Variants in TLE4 observed in about 807,000 individuals in gnomAD.
TLE4 encodes the protein TLE family member 4, transcriptional corepressor, also known as transducin-like enhancer protein 4.
A neutral mutation model predicts 92.8 loss-of-function variants in TLE4; 8 were observed. That is an observed-to-expected ratio of 0.09 (90% CI 0.05 to 0.16). The LOEUF is 0.16. Among genes scored for constraint, TLE4 ranks in the 10% least tolerant of loss-of-function variants. The pLI, the probability that TLE4 is intolerant of heterozygous loss-of-function variation, is 1.00. For missense variants in TLE4, 675 were observed against 997.6 expected, an observed-to-expected ratio of 0.68 and a Z score of 4.36; for synonymous variants, 371 against 374.1, an observed-to-expected ratio of 0.99 and a Z score of 0.10.
In TLE4 at chr9:79,726,170, A is replaced by G. The variant is rs2076360280; in HGVS notation, c.*1026A>G. ...TCCCTCTGAAAAACACAAAGAATGGACTCTCTCCTGGGATGAGGACTTGCT... is the reference window on the plus strand; with the variant it reads ...TCCCTCTGAAAAACACAAAGAATGGGCTCTCTCCTGGGATGAGGACTTGCT... On this transcript the variant is annotated 3_prime_UTR_variant, in exon 20 of 20. Transcript: ENST00000376552. 1 of 152,282 alleles carries G rather than the reference A, an allele frequency of 6.6e-6. No individual in the cohort carries two copies. The highest frequency in any genetic ancestry group is 2.1e-4 in the South Asian group (1 of 4,818). The allele number at this position is 152,282 out of a possible 1,614,324, so 9.4% of individuals were successfully genotyped here.
chr9:79,686,553 G>A (rs1205231262), intron 8 of TLE4, among the ~76,000 whole-genome samples: 1 of 152,148 alleles, frequency 6.6e-6, no homozygotes, highest in African/African-American at 2.4e-5. Flanking sequence ...GGAGAGAGAG[G>A]TTTGACGATA....
intron 4 of TLE4, among the ~76,000 whole-genome samples, chr9:79,600,904 G>C (rs948921244): frequency 6.6e-6 from 1 of 152,146 alleles, no homozygotes; most frequent in African/African-American, 2.4e-5. Context: ...CGTCGCATGA[G>C]TAGGCCCTTT....
chr9:79,719,787 G>A (rs1056828299), intron 15 of TLE4, among the ~76,000 whole-genome samples: 1 of 152,186 alleles, frequency 6.6e-6, no homozygotes, highest in Non-Finnish European at 1.5e-5. Flanking sequence ...TAATTTGGTG[G>A]TGGTGGGAGT....
intron 8 of TLE4, among the ~76,000 whole-genome samples, chr9:79,685,115 G>A (rs538122635): frequency 3.3e-5 from 5 of 152,186 alleles, no homozygotes; most frequent in Admixed American, 1.3e-4. Context: ...AATAGCCCAC[G>A]CCCAAATACA....
At chr9:79,606,180 A>G (rs1412791921) in intron 4 of TLE4, among the ~76,000 whole-genome samples, 1 of 55,444 alleles carries the variant, frequency 1.8e-5, no homozygotes, top group Non-Finnish European at 3.7e-5. Flanking sequence ...ATTAAGCAGT[A>G]GTAGTTGTTT....
At chr9:79,633,862 G>A (rs1029815463) in intron 6 of TLE4, among the ~76,000 whole-genome samples, 2 of 152,142 alleles carry the variant, frequency 1.3e-5, no homozygotes, top group African/African-American at 4.8e-5. Flanking sequence ...TGGGCTATAA[G>A]AGACAGTCTC....
chr9:79,711,416 G>C (rs1242975042), intron 14 of TLE4, among the ~76,000 whole-genome samples: 1 of 152,166 alleles, frequency 6.6e-6, no homozygotes, highest in Non-Finnish European at 1.5e-5. Flanking sequence ...TAAATAACAA[G>C]GTTATACAAT....
At chr9:79,707,573 T>C (rs1439677197) in intron 11 of TLE4, among the ~76,000 whole-genome samples, 1 of 152,220 alleles carries the variant, frequency 6.6e-6, no homozygotes, top group African/African-American at 2.4e-5. Flanking sequence ...AGGAAATTCC[T>C]CACTTGGTCT....
At chr9:79,705,319 G>C (rs2135901939) in intron 9 of TLE4, among the ~76,000 whole-genome samples, 1 of 152,362 alleles carries the variant, frequency 6.6e-6, no homozygotes, top group East Asian at 1.9e-4. Flanking sequence ...AACATGGAGA[G>C]ACATCCAAGA....
At chr9:79,616,466 T>C (rs1192233001) in intron 5 of TLE4, among the ~76,000 whole-genome samples, 1 of 152,130 alleles carries the variant, frequency 6.6e-6, no homozygotes, top group Non-Finnish European at 1.5e-5. Context: ...GAGCTCTGTC[T>C]CCTCTTGGGA....
At position 79,696,330 on chromosome 9, in the gene TLE4, C is replaced by T. The variant is rs536595464; in HGVS notation, c.610-8453C>T. Reference sequence around the variant, plus strand: ...TTCACATTATATTTCTGTCTGTCAGCGCCATTCTAAAGAATAACTTTAATA... The same window carrying T: ...TTCACATTATATTTCTGTCTGTCAGTGCCATTCTAAAGAATAACTTTAATA... On this transcript the variant is annotated intron_variant, in intron 8 of 19. Coordinates refer to ENST00000376552, the MANE Select transcript of TLE4 (RefSeq NM_007005.6). 2.6e-5 allele frequency among the ~76,000 whole-genome samples: 4 copies of T among 152,210 alleles called. No homozygotes were observed. In the South Asian group the frequency reaches 6.2e-4, roughly 24 times the overall value.
At chr9:79,664,844 T>G (rs1330917666) in intron 8 of TLE4, among the ~76,000 whole-genome samples, 1 of 152,228 alleles carries the variant, frequency 6.6e-6, no homozygotes, top group Non-Finnish European at 1.5e-5. Flanking sequence ...CCTTGTCATT[T>G]TCAATTCCCT....
chr9:79,581,098 G>A (rs910058743), intron 4 of TLE4, among the ~76,000 whole-genome samples: 8 of 152,204 alleles, frequency 5.3e-5, no homozygotes, highest in African/African-American at 1.9e-4. Context: ...ACGGAGTGAA[G>A]GGTATTGGTG....
chr9:79,716,200 A>T lies in TLE4; in HGVS notation c.1341-2522A>T, dbSNP rs76527933. Among the ~76,000 whole-genome samples the T allele has an allele frequency of 3.9e-3, 593 of 152,086 alleles. 4 individuals are homozygous for T. Among genetic ancestry groups the T allele is most frequent in the African/African-American group, 0.013 (557 of 41,480 alleles). On this transcript the variant is annotated intron_variant, in intron 14 of 19. Transcript: ENST00000376552. ...GCCTGTCCCTTCACTCTTATATCCTATATGCTCTCCACCGAATGCACTCTG... is the reference window on the plus strand; with the variant it reads ...GCCTGTCCCTTCACTCTTATATCCTTTATGCTCTCCACCGAATGCACTCTG...
intron 6 of TLE4, among the ~76,000 whole-genome samples, chr9:79,642,624 G>C (rs1179502567): frequency 6.6e-6 from 1 of 151,980 alleles, no homozygotes; most frequent in Non-Finnish European, 1.5e-5. Context: ...AATTTGCTTA[G>C]AAGTACAATT....
chr9:79,709,928 A>G (rs1246908253), intron 14 of TLE4, among the ~76,000 whole-genome samples: 1 of 152,260 alleles, frequency 6.6e-6, no homozygotes, highest in Non-Finnish European at 1.5e-5. Flanking sequence ...TTGCAGAGGC[A>G]TCTCCAGTAG....
At chr9:79,649,981 T>A in intron 6 of TLE4, 1 of 891,990 alleles carries the variant, frequency 1.1e-6, no homozygotes, top group Non-Finnish European at 1.5e-6. Context: ...AGTAGCACAA[T>A]CATGGCTCAC....
intron 8 of TLE4, among the ~76,000 whole-genome samples, chr9:79,671,925 TA>T (rs199524403): frequency 0.19 from 24,995 of 129,344 alleles, 2,490 homozygotes; most frequent in African/African-American, 0.3. Context: ...GTTTCTCCGT[TA>T]AAAAAAAAAA....
intron 8 of TLE4, among the ~76,000 whole-genome samples, chr9:79,664,521 A>T (rs1363958318): frequency 2.0e-5 from 3 of 152,222 alleles, no homozygotes; most frequent in Admixed American, 2.0e-4. Context: ...ATCTGATTTG[A>T]TGATAAAATC....
Sources: gnomAD v4.1 joint callset for allele counts (sites outside exome capture counted in the v4.1 genomes callset) on GRCh38, gnomAD v4.1.1 for gene constraint, MANE v1.5 for transcripts, NCBI Gene and HGNC (gene_info 2026-07-23, HGNC 2026-07-21) for gene names.